Variants in IGSF11 observed in about 807,000 individuals in gnomAD.
IGSF11 encodes the protein immunoglobulin superfamily member 11.
A neutral mutation model predicts 41.0 loss-of-function variants in IGSF11; 22 were observed. The ratio of observed to expected loss-of-function variants is 0.54; its 90% CI spans 0.38 to 0.77. The LOEUF is 0.77. Among genes scored for constraint, IGSF11 ranks in the 30% least tolerant of loss-of-function variants. The pLI, the probability that IGSF11 is intolerant of heterozygous loss-of-function variation, is 0.00. For synonymous variants in IGSF11, 219 were observed against 201.3 expected (o/e 1.09, Z -0.74); for missense variants, 444 against 530.8 (o/e 0.84, Z 1.61).
intron 1 of IGSF11, among the ~76,000 whole-genome samples, chr3:118,935,652 G>A (rs186502270): frequency 4.1e-4 from 63 of 151,924 alleles, no homozygotes; most frequent in African/African-American, 1.4e-3. Flanking sequence ...AGACTCACTC[G>A]CTCTATTCCC....
chr3:119,133,306 T>C (rs1000993995), intron 1 of IGSF11, among the ~76,000 whole-genome samples: 13 of 151,644 alleles, frequency 8.6e-5, no homozygotes, highest in African/African-American at 3.2e-4. Flanking sequence ...ATCAACAAAA[T>C]TGATAGAACG....
intron 1 of IGSF11, among the ~76,000 whole-genome samples, chr3:119,005,281 G>A (rs1382057907): frequency 1.9e-4 from 28 of 146,508 alleles, no homozygotes; most frequent in Non-Finnish European, 2.5e-4. Context: ...GACTAGGATT[G>A]CAACCCCTGC....
Position 118,930,181 on chromosome 3 carries a change from G to T in IGSF11, c.147C>A (p.Ser49Arg). The change falls in exon 2 of 7, where the codon AGC (serine) becomes AGA (arginine). Residue 49 changes from serine (S) to arginine (R), a missense_variant. Physicochemically the swap from Ser to Arg is moderately radical, Grantham distance 110. Coordinates refer to ENST00000393775, the MANE Select transcript of IGSF11 (RefSeq NM_001015887.3). ...PAVLPCTFTT[S>R]AALINLNVIW... ...TGACATTGAGGTTAATGAGGGCAGCGCTGGTAGTGAAAGTGCAGGGCAGGA... is the reference window on the plus strand; with the variant it reads ...TGACATTGAGGTTAATGAGGGCAGCTCTGGTAGTGAAAGTGCAGGGCAGGA... The T allele has an allele frequency of 6.2e-7, 1 of 1,614,050 alleles. No individual in the cohort carries two copies. The highest frequency in any genetic ancestry group is 8.5e-7 in the Non-Finnish European group (1 of 1,179,948).
At chr3:119,037,809 G>A (rs1320827144), upstream of IGSF11, among the ~76,000 whole-genome samples, 1 of 152,106 alleles carries the variant, frequency 6.6e-6, no homozygotes, top group Admixed American at 6.5e-5. Context: ...AAATGATGTA[G>A]GGAATTATAA....
intron 1 of IGSF11, among the ~76,000 whole-genome samples, chr3:119,097,765 T>G (rs1188379970): frequency 6.6e-6 from 1 of 152,056 alleles, no homozygotes; most frequent in Non-Finnish European, 1.5e-5. Flanking sequence ...TGCTGTTTAT[T>G]TTTCCAAGAT....
At chr3:119,058,310 A>G (rs200100338) in intron 1 of IGSF11, among the ~76,000 whole-genome samples, 17 of 152,232 alleles carry the variant, frequency 1.1e-4, no homozygotes, top group African/African-American at 3.1e-4. Context: ...AAAAGTGGGC[A>G]AAGGATATGA....
At chr3:118,945,272 A>G (rs1349712545) in intron 1 of IGSF11, among the ~76,000 whole-genome samples, 1 of 152,246 alleles carries the variant, frequency 6.6e-6, no homozygotes, top group Admixed American at 6.5e-5. Context: ...TCCCAGTAGC[A>G]TCAAACTTCT....
intron 1 of IGSF11, among the ~76,000 whole-genome samples, chr3:119,044,656 A>G (rs974530629): frequency 5.3e-5 from 8 of 152,188 alleles, no homozygotes; most frequent in Non-Finnish European, 1.0e-4. Context: ...AAGAGTTGTG[A>G]GGTAAAACCA....
chr3:119,116,394 A>G (rs1417887092), intron 1 of IGSF11, among the ~76,000 whole-genome samples: 1 of 152,196 alleles, frequency 6.6e-6, no homozygotes, highest in Non-Finnish European at 1.5e-5. Flanking sequence ...TAGGTCTCCA[A>G]CTTGCAAACA....
intron 1 of IGSF11, among the ~76,000 whole-genome samples, chr3:119,110,737 C>T (rs1576812940): frequency 1.3e-5 from 2 of 152,084 alleles, no homozygotes; most frequent in African/African-American, 4.8e-5. Context: ...ACCAGTTGTT[C>T]CTTTCCATGT....
chr3:119,048,655 G>A (rs1359764992), intron 1 of IGSF11, among the ~76,000 whole-genome samples: 3 of 151,918 alleles, frequency 2.0e-5, no homozygotes, highest in Non-Finnish European at 4.4e-5. Context: ...TATGAGGCCA[G>A]CATCATTCTG....
intron 1 of IGSF11, among the ~76,000 whole-genome samples, chr3:119,090,200 G>C (rs996277204): frequency 6.6e-6 from 1 of 151,884 alleles, no homozygotes; most frequent in Non-Finnish European, 1.5e-5. Flanking sequence ...GAAGTGAAAG[G>C]AAAACTACAA....
chr3:119,102,420 C>T (rs931367184), intron 1 of IGSF11, among the ~76,000 whole-genome samples: 6 of 152,130 alleles, frequency 3.9e-5, no homozygotes, highest in Non-Finnish European at 5.9e-5. Context: ...TTTTTTCTTA[C>T]ATGAAATTAG....
intron 1 of IGSF11, among the ~76,000 whole-genome samples, chr3:119,095,253 G>A (rs546625449): frequency 6.6e-6 from 1 of 152,046 alleles, no homozygotes; most frequent in East Asian, 1.9e-4. Context: ...AATAACCATA[G>A]ACTATAAAAA....
intron 4 of IGSF11, among the ~76,000 whole-genome samples, chr3:118,912,528 A>G (rs138796780): frequency 1.4e-4 from 21 of 152,298 alleles, no homozygotes; most frequent in African/African-American, 4.8e-4. Context: ...TGTATGGACA[A>G]TCATCCCTTT....
chr3:118,910,317 G>T (rs1319643983), intron 4 of IGSF11, among the ~76,000 whole-genome samples: 1 of 152,134 alleles, frequency 6.6e-6, no homozygotes, highest in African/African-American at 2.4e-5. Flanking sequence ...AGTTAAGATG[G>T]TTACTGTTGA....
intron 1 of IGSF11, among the ~76,000 whole-genome samples, chr3:119,017,563 T>G (rs1195409984): frequency 6.6e-6 from 1 of 152,192 alleles, no homozygotes; most frequent in Non-Finnish European, 1.5e-5. Context: ...AAGATGAGTT[T>G]TGGAAACCAA....
intron 1 of IGSF11, among the ~76,000 whole-genome samples, chr3:119,102,643 T>A (rs1419297049): frequency 6.6e-6 from 1 of 152,214 alleles, no homozygotes; most frequent in Non-Finnish European, 1.5e-5. Flanking sequence ...CTATACTCAT[T>A]GTTATATATT....
intron 1 of IGSF11, among the ~76,000 whole-genome samples, chr3:119,077,471 T>C (rs2076520085): frequency 6.6e-6 from 1 of 152,030 alleles, no homozygotes; most frequent in African/African-American, 2.4e-5. Flanking sequence ...TATGTCAATT[T>C]AAAATAAAAT....
Sources: allele counts gnomAD v4.1 joint callset (sites outside exome capture counted in the v4.1 genomes callset), GRCh38; gene constraint gnomAD v4.1.1; transcripts MANE v1.5; gene names NCBI Gene and HGNC (gene_info 2026-07-23, HGNC 2026-07-21).